SYT7: variants seen among roughly 807,000 people sequenced by gnomAD.
The protein encoded by SYT7 is synaptotagmin 7.
Under a neutral mutation model 75.1 loss-of-function variants are expected in SYT7, and 29 were observed. The ratio of observed to expected loss-of-function variants is 0.39; its 90% CI spans 0.29 to 0.53. The LOEUF is 0.53. Among genes scored for constraint, SYT7 ranks in the 20% least tolerant of loss-of-function variants. The pLI is 0.77. For missense variants in SYT7, 693 were observed against 953.2 expected (o/e 0.73, Z 3.59); for synonymous variants, 376 against 401.7 (o/e 0.94, Z 0.76).
intron 8 of SYT7, among the ~76,000 whole-genome samples, chr11:61,532,016 G>T (rs1053027511): frequency 2.0e-5 from 3 of 152,060 alleles, no homozygotes; most frequent in Non-Finnish European, 2.9e-5. Flanking sequence ...AGAAACGCCA[G>T]GCTAGAAGGG....
intron 8 of SYT7, among the ~76,000 whole-genome samples, chr11:61,531,559 TA>T (rs1222783902): frequency 1.3e-5 from 2 of 151,526 alleles, no homozygotes; most frequent in East Asian, 3.9e-4. Context: ...TGACCAGATC[TA>T]GGATGTGGAA....
chr11:61,531,934 C>T (rs1422836042), intron 8 of SYT7, among the ~76,000 whole-genome samples: 4 of 151,088 alleles, frequency 2.6e-5, no homozygotes, highest in African/African-American at 9.8e-5. Context: ...TTAGGCCCCA[C>T]CGAAGGCCCA....
chr11:61,582,331 C>T (rs190165879), upstream of SYT7, among the ~76,000 whole-genome samples: 105 of 152,262 alleles, frequency 6.9e-4, no homozygotes, highest in African/African-American at 2.5e-3. Context: ...TTATTATTTC[C>T]ACCCTGAGAA....
In SYT7 at chr11:61,572,122, G is replaced by C. The variant is rs76188389; in HGVS notation, c.31+8668C>G. Among the ~76,000 whole-genome samples the C allele has an allele frequency of 2.9e-3, 449 of 152,306 alleles. 16 individuals are homozygous for C. In the East Asian group the frequency reaches 0.071, roughly 24 times the overall value. ...GGAGAGGGAGGAATGAGGTTGGGGG[G>C]GGGGCACACAGACAATTCATCAGGC... On this transcript the variant is annotated intron_variant, in intron 1 of 12. Coordinates refer to ENST00000539008, the MANE Select transcript of SYT7 (RefSeq NM_001365809.2).
At chr11:61,532,880 T>C in intron 8 of SYT7, 109 bp downstream of exon 8, 1 of 1,478,928 alleles carries the variant, frequency 6.8e-7, no homozygotes, top group African/African-American at 1.4e-5. Context: ...CCCAGTTCCC[T>C]GCCTGGCCAC....
At position 61,527,993 on chromosome 11, in the gene SYT7, C is replaced by T. The variant is rs1441820938; in HGVS notation, c.1393G>A (p.Asp465Asn). The T allele has an allele frequency of 1.9e-6, 3 of 1,613,992 alleles. No individual in the cohort carries two copies. The highest frequency in any genetic ancestry group is 2.5e-6 in the Non-Finnish European group (3 of 1,180,042). The change falls in exon 9 of 13, where the codon GAC becomes AAC. Residue 465 changes from aspartate to asparagine, a missense_variant. Around this residue, in one of 2 missense-constraint regions of SYT7, gnomAD observed 206 missense variants for 360.0 expected, o/e 0.57. Transcript: ENST00000539008. ...DPFVKIYLLP[D>N]KKHKLETKVK... is the part of the protein sequence containing the mutation. ...TTGGTCTCCAGCTTGTGCTTCTTGT[C>T]GGGCAGCAGGTAGATCTTGACGAAG...
In SYT7 at chr11:61,523,153, C is replaced by T. The variant is rs772750757; in HGVS notation, c.1878G>A (p.Thr626=). The change falls in exon 12 of 13, where the codon ACG becomes ACA. Residue 626 remains threonine (T), a synonymous_variant. Coordinates refer to ENST00000539008, the MANE Select transcript of SYT7 (RefSeq NM_001365809.2). The surrounding 1 kb of genome is among the most constrained non-coding windows in gnomAD (Gnocchi z 5.0). ...FNESFAFDIP[T]EKLRETTIII... ...TGATGGTCGTCTCCCTCAGCTTCTCCGTGGGGATATCGAAGGCGAAGGACT... is the reference window on the plus strand; with the variant it reads ...TGATGGTCGTCTCCCTCAGCTTCTCTGTGGGGATATCGAAGGCGAAGGACT... 13 of 1,614,088 alleles carry T rather than the reference C, an allele frequency of 8.1e-6. No individual in the cohort carries two copies. Among genetic ancestry groups the T allele is most frequent in the East Asian group, 2.2e-5 (1 of 44,898 alleles).
intron 7 of SYT7, among the ~76,000 whole-genome samples, chr11:61,536,180 G>A (rs1006000438): frequency 6.6e-6 from 1 of 152,142 alleles, no homozygotes; most frequent in Non-Finnish European, 1.5e-5. Context: ...CTGGGTGGTG[G>A]CGAGGGCACG....
At position 61,516,926 on chromosome 11, in the gene SYT7, G is replaced by GCTCA; in HGVS notation, c.*1697_*1700dup. 4.1e-6 allele frequency: 1 copy of GCTCA among 241,240 alleles called. No individual in the cohort carries two copies. Among genetic ancestry groups the GCTCA allele is most frequent in the Middle Eastern group, 1.3e-3 (1 of 792 alleles). The allele number at this position is 241,240 out of a possible 1,614,324, so 14.9% of individuals were successfully genotyped here. A position where few individuals can be genotyped will look rare whatever the true frequency, so the allele number is the denominator to read the frequency against. ...ACCCGTCTACTGCAGCAAGCAGAAT[G>GCTCA]CTCAGCTCAAGGGGAAGCCGTTCGA... On this transcript the variant is annotated 3_prime_UTR_variant, in exon 13 of 13. Transcript: ENST00000539008. This position sits in a 1 kb window ranked among gnomAD's most constrained non-coding sequence, Gnocchi z 4.6.
intron 2 of SYT7, 57 bp downstream of exon 2, chr11:61,556,047 G>T: frequency 7.0e-7 from 1 of 1,424,916 alleles, no homozygotes; most frequent in Non-Finnish European, 9.8e-7. Context: ...TGTGTGGGGA[G>T]GGGGGGCAGT....
chr11:61,545,345 C>T (rs1249826099), intron 5 of SYT7, among the ~76,000 whole-genome samples: 1 of 152,198 alleles, frequency 6.6e-6, no homozygotes, highest in Non-Finnish European at 1.5e-5. Context: ...GTTTGACAAC[C>T]CAACCTCCAG....
chr11:61,580,891 C>A lies in SYT7; in HGVS notation c.-71G>T, dbSNP rs1179066200. ...CGGCCGCGCGCTGCTCCGCCGCCGC[C>A]GCTGGGCATGGGGCCGGGCGACCCC... On this transcript the variant is annotated 5_prime_UTR_variant, in exon 1 of 13. Coordinates refer to ENST00000539008, the MANE Select transcript of SYT7 (RefSeq NM_001365809.2). This position sits in a 1 kb window ranked among gnomAD's most constrained non-coding sequence, Gnocchi z 6.1. The A allele has an allele frequency of 3.5e-6, 4 of 1,132,714 alleles. No individual in the cohort carries two copies. The African/African-American group carries it at 6.6e-5, about 19-fold the overall frequency. 70.2% of individuals were successfully genotyped at this position (1,132,714 alleles called of 1,614,324 possible).
At chr11:61,540,147 C>T (rs542964431) in intron 6 of SYT7, 21 of 152,218 alleles carry the variant, frequency 1.4e-4, no homozygotes, top group African/African-American at 3.9e-4. Context: ...CTGCAGGACG[C>T]GAGGGTTAGG....
In SYT7 at chr11:61,514,838, A is replaced by C. The variant is rs1172867837; in HGVS notation, c.*3789T>G. Among the ~76,000 whole-genome samples, 1 of 152,140 alleles carries C rather than the reference A, an allele frequency of 6.6e-6. No homozygotes were observed. The highest frequency in any genetic ancestry group is 1.5e-5 in the Non-Finnish European group (1 of 68,006). On this transcript the variant is annotated 3_prime_UTR_variant, in exon 13 of 13. Transcript: ENST00000539008. ...GGTCCAGCCAACAGACACAGAGCTC[A>C]TTGTCTTTCCTTTTCCCACCTCAGG... is the stretch of plus-strand genomic sequence containing the variant.
At chr11:61,579,247 A>G (rs2064169783) in intron 1 of SYT7, among the ~76,000 whole-genome samples, 1 of 152,232 alleles carries the variant, frequency 6.6e-6, no homozygotes, top group Admixed American at 6.5e-5. Flanking sequence ...CTGGCTTCTA[A>G]GAAGGTGAGC....
At chr11:61,582,769 TC>T (rs2064307100), upstream of SYT7, among the ~76,000 whole-genome samples, 1 of 151,742 alleles carries the variant, frequency 6.6e-6, no homozygotes, top group Non-Finnish European at 1.5e-5. Flanking sequence ...ACAGCTGTCT[TC>T]CCCCCACTCA....
intron 1 of SYT7, among the ~76,000 whole-genome samples, chr11:61,577,828 C>T (rs1411194346): frequency 1.3e-5 from 2 of 152,178 alleles, no homozygotes; most frequent in East Asian, 1.9e-4. Context: ...CCAGTGGTTC[C>T]CTCTCTGGCC....
At chr11:61,522,963 C>T (rs1194744317) in intron 12 of SYT7, 112 bp downstream of exon 12, 4 of 1,081,872 alleles carry the variant, frequency 3.7e-6, no homozygotes, top group Admixed American at 3.7e-5. Flanking sequence ...AGACTGATCC[C>T]AATCTCTCCT....
Position 61,546,645 on chromosome 11 carries a change from CG to C in SYT7, c.348-391del, listed in dbSNP as rs753169565. On this transcript the variant is annotated intron_variant, in intron 4 of 12. Transcript: ENST00000539008. The surrounding 1 kb of genome is among the most constrained non-coding windows in gnomAD (Gnocchi z 7.6). ...CCACAGGACAACGAAGGGTTAACGA[CG>C]GAGGAAGAGCGGGCTGTCCAGGCCA... 1.5e-5 allele frequency: 7 copies of C among 466,440 alleles called. No homozygotes were observed. The highest frequency in any genetic ancestry group is 1.1e-4 in the South Asian group (7 of 64,624). The allele number at this position is 466,440 out of a possible 1,614,324, so 28.9% of individuals were successfully genotyped here. A position where few individuals can be genotyped will look rare whatever the true frequency, so the allele number is the denominator to read the frequency against.
Sources: allele counts gnomAD v4.1 joint callset (sites outside exome capture counted in the v4.1 genomes callset), GRCh38; gene constraint gnomAD v4.1.1; regional missense constraint gnomAD v4.1.1; non-coding constraint Gnocchi (gnomAD v3.1); transcripts MANE v1.5; gene names NCBI Gene and HGNC (gene_info 2026-07-23, HGNC 2026-07-21).